Variants in MVB12B observed in about 807,000 individuals in gnomAD.
MVB12B encodes ESCRT-I complex subunit MVB12B.
A neutral mutation model predicts 41.6 loss-of-function variants in MVB12B; 16 were observed. The ratio of observed to expected loss-of-function variants is 0.38; its 90% confidence interval spans 0.26 to 0.58. MVB12B has a LOEUF of 0.58. Ranked by LOEUF, MVB12B falls within the 20% of genes least tolerant of loss-of-function variation. The pLI, the probability that MVB12B is intolerant of heterozygous loss-of-function variation, is 0.62. For synonymous variants in MVB12B, 133 were observed against 139.7 expected, an observed-to-expected ratio of 0.95 and a Z score of 0.34; for missense variants, 274 against 380.2, an observed-to-expected ratio of 0.72 and a Z score of 2.32.
chr9:126,493,237 T>C (rs769470696), intron 9 of MVB12B, among the ~76,000 whole-genome samples: 1 of 152,164 alleles, frequency 6.6e-6, no homozygotes, highest in Non-Finnish European at 1.5e-5. Context: ...TTAATCCATC[T>C]GAAATTTATT....
chr9:126,386,722 G>T lies in MVB12B; in HGVS notation c.409+64G>T. ...TTTCTTCCTCCAGGTATATTTGTAG[G>T]TGTTTTTCTATGTGCATTTTTCTTC... On this transcript the variant is annotated intron_variant, in intron 4 of 9. Coordinates refer to ENST00000361171, the MANE Select transcript of MVB12B (RefSeq NM_033446.3). This position sits in a 1 kb window ranked among gnomAD's most constrained non-coding sequence, Gnocchi z 4.3. 7.9e-7 allele frequency: 1 copy of T among 1,260,232 alleles called. No homozygotes were observed. Among genetic ancestry groups the T allele is most frequent in the Admixed American group, 1.8e-5 (1 of 56,360 alleles). 78.1% of individuals were successfully genotyped at this position (1,260,232 alleles called of 1,614,324 possible).
intron 7 of MVB12B, among the ~76,000 whole-genome samples, chr9:126,460,586 C>T (rs1833069055): frequency 6.6e-6 from 1 of 152,046 alleles, no homozygotes; most frequent in Non-Finnish European, 1.5e-5. Flanking sequence ...CAGCCAACGG[C>T]AGGTCAGAGG....
chr9:126,494,442 G>A (rs973845786), intron 9 of MVB12B, among the ~76,000 whole-genome samples: 5 of 152,152 alleles, frequency 3.3e-5, no homozygotes, highest in Admixed American at 2.0e-4. Flanking sequence ...CAGAGATTAC[G>A]TTTGCCAGGC....
At position 126,376,678 on chromosome 9, in the gene MVB12B, G is replaced by A. The variant is rs1020011168; in HGVS notation, c.205-4386G>A. The A allele has an allele frequency of 7.6e-5, 97 of 1,281,654 alleles. 1 individual carries two copies. In the African/African-American group the frequency reaches 1.1e-3, roughly 14 times the overall value. The allele number at this position is 1,281,654 out of a possible 1,614,324, so 79.4% of individuals were successfully genotyped here. ...CCTGCCATTGCCATTCAGTGTGTACGCTTGGTTACTCAATTACCCTCGTTT... is the reference window on the plus strand; with the variant it reads ...CCTGCCATTGCCATTCAGTGTGTACACTTGGTTACTCAATTACCCTCGTTT... On this transcript the variant is annotated intron_variant, in intron 2 of 9. Transcript: ENST00000361171. The surrounding 1 kb of genome is among the most constrained non-coding windows in gnomAD (Gnocchi z 4.1).
intron 1 of MVB12B, among the ~76,000 whole-genome samples, chr9:126,338,342 A>T (rs1300472056): frequency 6.6e-6 from 1 of 152,200 alleles, no homozygotes; most frequent in East Asian, 1.9e-4. Context: ...GCATTGTGGG[A>T]GCAGCATGGC....
At chr9:126,410,026 G>A (rs1302354882) in intron 6 of MVB12B, among the ~76,000 whole-genome samples, 2 of 152,244 alleles carry the variant, frequency 1.3e-5, no homozygotes, top group Non-Finnish European at 1.5e-5. Flanking sequence ...GCCATATGCC[G>A]TCAAGCTGCA....
At chr9:126,481,478 C>T (rs1029411504) in intron 8 of MVB12B, 54 bp downstream of exon 8, 2 of 1,322,598 alleles carry the variant, frequency 1.5e-6, no homozygotes, top group Admixed American at 1.7e-5. Context: ...GCCTGAGGTC[C>T]CTCCATCCTG....
chr9:126,363,647 C>G (rs1830086779), intron 2 of MVB12B, among the ~76,000 whole-genome samples: 1 of 152,182 alleles, frequency 6.6e-6, no homozygotes, highest in South Asian at 2.1e-4. Context: ...GTTTTACTTA[C>G]CACCAAGCGC....
chr9:126,347,141 AC>A (rs1306302158), intron 2 of MVB12B, among the ~76,000 whole-genome samples: 2 of 151,474 alleles, frequency 1.3e-5, no homozygotes, highest in Non-Finnish European at 3.0e-5. Context: ...GGGTGTAGAT[AC>A]AGGAGAGAGG....
chr9:126,432,400 C>T (rs1346895321), intron 7 of MVB12B, among the ~76,000 whole-genome samples: 1 of 152,178 alleles, frequency 6.6e-6, no homozygotes, highest in Non-Finnish European at 1.5e-5. Flanking sequence ...CCAAATTAGC[C>T]TTTTGTTTCT....
chr9:126,494,242 G>C (rs184388760), intron 9 of MVB12B, among the ~76,000 whole-genome samples: 1 of 151,872 alleles, frequency 6.6e-6, no homozygotes, highest in Non-Finnish European at 1.5e-5. Flanking sequence ...ATATTAATAC[G>C]GTGGATTGTA....
chr9:126,474,336 G>T (rs1030567259), intron 7 of MVB12B, among the ~76,000 whole-genome samples: 6 of 152,108 alleles, frequency 3.9e-5, no homozygotes, highest in Non-Finnish European at 8.8e-5. Flanking sequence ...TAGGGAAAAA[G>T]AAAGGAAGGA....
At chr9:126,409,385 C>G (rs1373411593) in intron 6 of MVB12B, among the ~76,000 whole-genome samples, 4 of 146,612 alleles carry the variant, frequency 2.7e-5, no homozygotes, top group African/African-American at 1.0e-4. Flanking sequence ...GGCGGTGTTA[C>G]TTTGAGTGAG....
intron 6 of MVB12B, among the ~76,000 whole-genome samples, chr9:126,409,299 CTGTGTGTGTGTGTGTGTGTGTGTG>C (rs61211126): frequency 7.2e-6 from 1 of 138,028 alleles, no homozygotes; most frequent in Non-Finnish European, 1.6e-5. Flanking sequence ...GTGAGTAACT[CTGTGTGTGTGTGTGTGTGTGTGTG>C]TGTGTGTGTG....
At chr9:126,422,517 T>G (rs1195571075) in intron 7 of MVB12B, among the ~76,000 whole-genome samples, 1 of 152,186 alleles carries the variant, frequency 6.6e-6, no homozygotes, top group African/African-American at 2.4e-5. Context: ...CTTACAAGCC[T>G]TATTACAGAA....
intron 7 of MVB12B, among the ~76,000 whole-genome samples, chr9:126,437,346 C>CACG (rs1254155630): frequency 1.3e-5 from 2 of 152,158 alleles, no homozygotes; most frequent in Non-Finnish European, 2.9e-5. Flanking sequence ...GCAAAACTAT[C>CACG]ACGGCATAGT....
chr9:126,389,497 A>G lies in MVB12B; in HGVS notation c.410-2569A>G, dbSNP rs1273028481. Among the ~76,000 whole-genome samples the G allele has an allele frequency of 2.0e-5, 3 of 152,148 alleles. No individual in the cohort carries two copies. The highest frequency in any genetic ancestry group is 4.4e-5 in the Non-Finnish European group (3 of 68,034). ...ATGACTGAACACATTTCTATTGACT[A>G]TGTATAATATGTTTACTTAAAATTA... On this transcript the variant is annotated intron_variant, in intron 4 of 9. Transcript: ENST00000361171. This position sits in a 1 kb window ranked among gnomAD's most constrained non-coding sequence, Gnocchi z 4.4.
chr9:126,414,369 A>G (rs1184972352), intron 6 of MVB12B, among the ~76,000 whole-genome samples: 1 of 152,224 alleles, frequency 6.6e-6, no homozygotes, highest in Non-Finnish European at 1.5e-5. Flanking sequence ...GATGGCCACC[A>G]GAAGCAGCAG....
At chr9:126,393,755 C>A (rs963131300) in intron 5 of MVB12B, among the ~76,000 whole-genome samples, 2 of 152,246 alleles carry the variant, frequency 1.3e-5, no homozygotes, top group Non-Finnish European at 2.9e-5. Flanking sequence ...TTTACAGCCC[C>A]CTCAGCCATG....
Sources: gnomAD v4.1 joint callset for allele counts (sites outside exome capture counted in the v4.1 genomes callset) on GRCh38, gnomAD v4.1.1 for gene constraint, Gnocchi (gnomAD v3.1) non-coding constraint, MANE v1.5 for transcripts, NCBI Gene and HGNC (gene_info 2026-07-23, HGNC 2026-07-21) for gene names.